SRCIN1: variants seen among roughly 807,000 people sequenced by gnomAD.
SRCIN1 encodes P130Cas-associated protein.
In SRCIN1, 50 loss-of-function variants were observed where a neutral mutation model predicts 116.2. That is an observed-to-expected ratio of 0.43 (90% CI 0.34 to 0.54). The LOEUF is 0.54. Among genes scored for constraint, SRCIN1 ranks in the 20% least tolerant of loss-of-function variants. The pLI, the probability that SRCIN1 is intolerant of heterozygous loss-of-function variation, is 0.02. For missense variants in SRCIN1, 1,446 were observed against 1,672.0 expected (o/e 0.86, Z 2.36); for synonymous variants, 736 against 750.0 (o/e 0.98, Z 0.30).
chr17:38,574,517 A>G (rs1367869901), intron 2 of SRCIN1, among the ~76,000 whole-genome samples: 1 of 152,150 alleles, frequency 6.6e-6, no homozygotes, highest in Non-Finnish European at 1.5e-5. Flanking sequence ...GAGGGTGTGG[A>G]GAGGGGAATA....
rs544291978 is a variant in SRCIN1 at position 38,567,856 on chromosome 17, C to T, written c.345+355G>A. On this transcript the variant is annotated intron_variant, in intron 3 of 18. Coordinates refer to ENST00000617146, the MANE Select transcript of SRCIN1 (RefSeq NM_025248.3). ...AGATATGAATTCAAAGAAGAGGGCC[C>T]ACAACAAGGGTCTAAGTCCCTAACT... Among the ~76,000 whole-genome samples the T allele has an allele frequency of 1.1e-4, 16 of 152,286 alleles. No homozygotes were observed. In the South Asian group the frequency reaches 3.3e-3, roughly 32 times the overall value.
intron 8 of SRCIN1, 114 bp downstream of exon 8, chr17:38,560,219 G>A (rs1906141885): frequency 7.1e-7 from 1 of 1,400,242 alleles, no homozygotes; most frequent in Non-Finnish European, 9.7e-7. Flanking sequence ...CCCAGAGAAG[G>A]GAAGGGATTC....
intron 1 of SRCIN1, among the ~76,000 whole-genome samples, chr17:38,592,797 G>T (rs575372956): frequency 1.3e-5 from 2 of 152,288 alleles, no homozygotes; most frequent in East Asian, 3.9e-4. Flanking sequence ...ATCACACTGT[G>T]GCTACACTGA....
intron 1 of SRCIN1, among the ~76,000 whole-genome samples, chr17:38,587,058 C>G (rs1436926081): frequency 1.3e-5 from 2 of 152,112 alleles, no homozygotes; most frequent in African/African-American, 4.8e-5. Context: ...CCTCGCCCAT[C>G]CCAGGCTGAC....
intron 2 of SRCIN1, chr17:38,574,948 T>C (rs56118590): frequency 0.088 from 35,201 of 401,010 alleles, 1,843 homozygotes; most frequent in African/African-American, 0.17. Context: ...TGAGGAGGCA[T>C]ACGGGGTCCA....
Position 38,558,145 on chromosome 17 carries a change from A to G in SRCIN1, c.2201+82T>C. On this transcript the variant is annotated intron_variant, in intron 11 of 18. Coordinates refer to ENST00000617146, the MANE Select transcript of SRCIN1 (RefSeq NM_025248.3). The surrounding 1 kb of genome is among the most constrained non-coding windows in gnomAD (Gnocchi z 4.6). ...GCCACCTGTGACTCAGAGGGAAGGG[A>G]GCTGCGCCTCCCAGGGAAACCAGGT... is the stretch of plus-strand genomic sequence containing the variant. 1 of 1,500,122 alleles carries G rather than the reference A, an allele frequency of 6.7e-7. No individual in the cohort carries two copies. The highest frequency in any genetic ancestry group is 9.1e-7 in the Non-Finnish European group (1 of 1,097,104). 92.9% of individuals were successfully genotyped at this position (1,500,122 alleles called of 1,614,324 possible).
chr17:38,603,452 C>G (rs1234395082), intron 1 of SRCIN1, among the ~76,000 whole-genome samples: 1 of 152,078 alleles, frequency 6.6e-6, no homozygotes, highest in Non-Finnish European at 1.5e-5. Context: ...AGTGGAGCAT[C>G]CCTCTCCACT....
Position 38,544,773 on chromosome 17 carries a change from G to T in SRCIN1, c.3271-804C>A, listed in dbSNP as rs1462907969. On this transcript the variant is annotated intron_variant, in intron 17 of 18. Coordinates refer to ENST00000617146, the MANE Select transcript of SRCIN1 (RefSeq NM_025248.3). This position sits in a 1 kb window ranked among gnomAD's most constrained non-coding sequence, Gnocchi z 4.5. ...TGGTAAGAGCTGAGAGAAGGCCGGT[G>T]GGAGGAGGGGGCTGGCCTGGCATTT... 6.6e-6 allele frequency: 1 copy of T among 152,132 alleles called. No homozygotes were observed. Among genetic ancestry groups the T allele is most frequent in the African/African-American group, 2.4e-5 (1 of 41,388 alleles). 9.4% of individuals were successfully genotyped at this position (152,132 alleles called of 1,614,324 possible). A position where few individuals can be genotyped will look rare whatever the true frequency, so the allele number is the denominator to read the frequency against.
chr17:38,597,914 G>A (rs570366423), intron 1 of SRCIN1, among the ~76,000 whole-genome samples: 1 of 152,300 alleles, frequency 6.6e-6, no homozygotes, highest in East Asian at 1.9e-4. Context: ...GAGCCATCAG[G>A]TTAAGGAGAG....
chr17:38,595,724 A>T (rs1908693142), intron 1 of SRCIN1, among the ~76,000 whole-genome samples: 3 of 152,148 alleles, frequency 2.0e-5, no homozygotes, highest in South Asian at 4.1e-4. Context: ...CCAGGCCACA[A>T]GCCCCCTCAG....
intron 18 of SRCIN1, among the ~76,000 whole-genome samples, chr17:38,538,470 G>A (rs78073190): frequency 0.023 from 3,530 of 150,852 alleles, 156 homozygotes; most frequent in African/African-American, 0.08. Context: ...AAATGACAGC[G>A]GGACCAAATG....
intron 18 of SRCIN1, among the ~76,000 whole-genome samples, chr17:38,538,168 C>T (rs1904507881): frequency 6.6e-6 from 1 of 151,446 alleles, no homozygotes; most frequent in African/African-American, 2.4e-5. Flanking sequence ...CACCTGTAAT[C>T]CCAGCACTGG....
At position 38,558,380 on chromosome 17, in the gene SRCIN1, C is replaced by A; in HGVS notation, c.2048G>T (p.Arg683Leu). 1 of 1,604,076 alleles carries A rather than the reference C, an allele frequency of 6.2e-7. No individual in the cohort carries two copies. Among genetic ancestry groups the A allele is most frequent in the Non-Finnish European group, 8.5e-7 (1 of 1,178,922 alleles). The change falls in exon 11 of 19, where the codon CGC becomes CTC. Residue 683 changes from arginine (R) to leucine (L), a missense_variant. By Grantham distance (102) the Arg-to-Leu change is moderately radical. Around this residue, in one of 5 missense-constraint regions of SRCIN1, gnomAD observed 398 missense variants for 385.6 expected, o/e 1.03. Coordinates refer to ENST00000617146, the MANE Select transcript of SRCIN1 (RefSeq NM_025248.3). The surrounding 1 kb of genome is among the most constrained non-coding windows in gnomAD (Gnocchi z 4.6). ...TGCCTCCGTGCGCTTCAGCAGCGCGCGCACCGACTCCTGGTTCTGTAGCTG... is the reference window on the plus strand; with the variant it reads ...TGCCTCCGTGCGCTTCAGCAGCGCGAGCACCGACTCCTGGTTCTGTAGCTG... ...KLQLQNQESV[R>L]ALLKRTEAEL...
At chr17:38,548,172 G>A (rs1393202263) in intron 17 of SRCIN1, among the ~76,000 whole-genome samples, 4 of 152,072 alleles carry the variant, frequency 2.6e-5, no homozygotes, top group African/African-American at 9.7e-5. Flanking sequence ...GAGTCTCAGA[G>A]CTCCGTCCTC....
chr17:38,535,049 C>G (rs1371524277), intron 18 of SRCIN1, among the ~76,000 whole-genome samples: 1 of 152,074 alleles, frequency 6.6e-6, no homozygotes, highest in Non-Finnish European at 1.5e-5. Flanking sequence ...GGAGAATGGC[C>G]TGAGCTCAGG....
chr17:38,558,279 C>T lies in SRCIN1; in HGVS notation c.2149G>A (p.Glu717Lys). The T allele has an allele frequency of 1.2e-6, 2 of 1,612,770 alleles. No homozygotes were observed. The highest frequency in any genetic ancestry group is 1.7e-6 in the Non-Finnish European group (2 of 1,179,710). The change falls in exon 11 of 19, where the codon GAG (glutamate) becomes AAG (lysine). Residue 717 changes from glutamate to lysine, a missense_variant. Around this residue, in one of 5 missense-constraint regions of SRCIN1, gnomAD observed 531 missense variants for 633.9 expected, o/e 0.84. Coordinates refer to ENST00000617146, the MANE Select transcript of SRCIN1 (RefSeq NM_025248.3). This position sits in a 1 kb window ranked among gnomAD's most constrained non-coding sequence, Gnocchi z 4.6. ...PLQRQRTLVE[E>K]ERLRYLNDEE... ...TCGTTGAGATAGCGCAGCCGTTCCT[C>T]TTCCACCAGGGTGCGCTGCCGCTGC... is the stretch of plus-strand genomic sequence containing the variant.
Position 38,552,065 on chromosome 17 carries a change from C to A in SRCIN1, c.2548G>T (p.Ala850Ser), listed in dbSNP as rs1479183516. ...ACGCTCTTGTTGAAGTCAGTCTCTG[C>A]CGTCACCTTCTTGGGGGACTGACTC... ...LLSQSPKKVT[A>S]ETDFNKSVDF... The change falls in exon 14 of 19, where the codon GCA (alanine) becomes TCA (serine). Residue 850 changes from alanine to serine, a missense_variant. Physicochemically the swap from Ala to Ser is moderately conservative, Grantham distance 99. Coordinates refer to ENST00000617146, the MANE Select transcript of SRCIN1 (RefSeq NM_025248.3). This position sits in a 1 kb window ranked among gnomAD's most constrained non-coding sequence, Gnocchi z 5.3. 1 of 1,613,722 alleles carries A rather than the reference C, an allele frequency of 6.2e-7. No homozygotes were observed.
At chr17:38,566,012 C>T (rs532282371) in intron 3 of SRCIN1, among the ~76,000 whole-genome samples, 11 of 152,254 alleles carry the variant, frequency 7.2e-5, no homozygotes, top group African/African-American at 2.6e-4. Flanking sequence ...AGCTCTGTGG[C>T]AGTGTGGGGA....
At position 38,563,699 on chromosome 17, in the gene SRCIN1, G is replaced by T. The variant is rs1319781166; in HGVS notation, c.542-178C>A. The T allele has an allele frequency of 2.2e-6, 2 of 896,190 alleles. No homozygotes were observed. Among genetic ancestry groups the T allele is most frequent in the East Asian group, 5.3e-5 (2 of 38,030 alleles). 55.5% of individuals were successfully genotyped at this position (896,190 alleles called of 1,614,324 possible). On this transcript the variant is annotated intron_variant, in intron 4 of 18. Transcript: ENST00000617146. This position sits in a 1 kb window ranked among gnomAD's most constrained non-coding sequence, Gnocchi z 5.8. ...CTCATGCTGCCGGCGGGGGCGCCAG[G>T]CCGGCTCTCCAGCCTCTCAAGGCAC...
Sources: allele counts gnomAD v4.1 joint callset (sites outside exome capture counted in the v4.1 genomes callset), GRCh38; gene constraint gnomAD v4.1.1; regional missense constraint gnomAD v4.1.1; non-coding constraint Gnocchi (gnomAD v3.1); transcripts MANE v1.5; gene names NCBI Gene and HGNC (gene_info 2026-07-23, HGNC 2026-07-21).